The following NPAS3 variants were observed in gnomAD, a reference collection of about 807,000 sequenced individuals.
NPAS3 encodes the protein neuronal PAS domain protein 3.
In NPAS3, 14 loss-of-function variants were observed where a neutral mutation model predicts 73.1. The ratio of observed to expected loss-of-function variants is 0.19; its 90% CI spans 0.13 to 0.30. The LOEUF (loss-of-function observed/expected upper bound fraction) is 0.30. Ranked by LOEUF, NPAS3 falls within the 10% of genes least tolerant of loss-of-function variation. The pLI, the probability that NPAS3 is intolerant of heterozygous loss-of-function variation, is 1.00. For synonymous variants in NPAS3, 620 were observed against 541.5 expected, an observed-to-expected ratio of 1.14 and a Z score of -2.01; for missense variants, 1,096 against 1,250.0, an observed-to-expected ratio of 0.88 and a Z score of 1.86.
At chr14:33,174,887 G>A (rs2045527943) in intron 2 of NPAS3, among the ~76,000 whole-genome samples, 1 of 152,114 alleles carries the variant, frequency 6.6e-6, no homozygotes, top group South Asian at 2.1e-4. Flanking sequence ...TCCATGGAGA[G>A]AATATGCAAG....
rs1555411752 is a variant in NPAS3 at position 33,555,889 on chromosome 14, G to GGGGT, written c.469-4231_469-4230insGGTG. Among the ~76,000 whole-genome samples the GGGGT allele has an allele frequency of 8.1e-5, 12 of 148,578 alleles. No homozygotes were observed. The South Asian group carries it at 1.5e-3, about 18-fold the overall frequency. On this transcript the variant is annotated intron_variant, in intron 4 of 11. Coordinates refer to ENST00000356141, the Ensembl canonical transcript of NPAS3. ...TATGGTAAATTAACCAATTGTTGTT[G>GGGGT]GTGTGTCTGTGTGTGTGTGTGTGTG...
chr14:33,556,992 G>GA (rs2055384872), intron 4 of NPAS3, among the ~76,000 whole-genome samples: 1 of 152,294 alleles, frequency 6.6e-6, no homozygotes, highest in Admixed American at 6.5e-5. Context: ...AGGTCGAATG[G>GA]AAAATCTAAT....
chr14:33,171,620 T>A (rs1003425825), intron 2 of NPAS3, among the ~76,000 whole-genome samples: 2 of 152,242 alleles, frequency 1.3e-5, no homozygotes, highest in African/African-American at 2.4e-5. Context: ...CTTACGGGAA[T>A]GTTGTGGCTG....
intron 2 of NPAS3, among the ~76,000 whole-genome samples, chr14:33,151,723 A>G (rs1303323450): frequency 6.6e-6 from 1 of 152,232 alleles, no homozygotes; most frequent in Non-Finnish European, 1.5e-5. Flanking sequence ...TTAGTAGATC[A>G]CATTCCTACA....
intron 6 of NPAS3, among the ~76,000 whole-genome samples, chr14:33,685,098 C>T (rs1309070063): frequency 6.6e-6 from 1 of 151,750 alleles, no homozygotes; most frequent in Non-Finnish European, 1.5e-5. Context: ...GTAGATTATT[C>T]AACAACCATT....
chr14:33,160,077 A>C (rs1179496886), intron 2 of NPAS3, among the ~76,000 whole-genome samples: 2 of 152,204 alleles, frequency 1.3e-5, no homozygotes, highest in African/African-American at 4.8e-5. Flanking sequence ...ACATTATGAC[A>C]AATTTAAGGA....
intron 2 of NPAS3, among the ~76,000 whole-genome samples, chr14:33,065,449 T>A (rs1392638474): frequency 6.6e-6 from 1 of 152,190 alleles, no homozygotes; most frequent in Non-Finnish European, 1.5e-5. Flanking sequence ...TTGAGATGTT[T>A]AGGTCCAGTT....
At chr14:33,323,717 G>T (rs2043563234) in intron 3 of NPAS3, among the ~76,000 whole-genome samples, 1 of 152,208 alleles carries the variant, frequency 6.6e-6, no homozygotes, top group Non-Finnish European at 1.5e-5. Context: ...AGGGAGAAAA[G>T]TTTACCATTC....
At chr14:33,307,613 T>TGTA (rs763634896) in intron 3 of NPAS3, among the ~76,000 whole-genome samples, 58 of 44,212 alleles carry the variant, frequency 1.3e-3, no homozygotes, top group African/African-American at 3.0e-3. Context: ...GTGTGTGTGT[T>TGTA]CGTGTGCGTG....
intron 1 of NPAS3, among the ~76,000 whole-genome samples, chr14:33,031,839 A>G (rs2040006913): frequency 6.6e-6 from 1 of 152,238 alleles, no homozygotes; most frequent in Non-Finnish European, 1.5e-5. Flanking sequence ...TGCATGCTCC[A>G]GATTGTTCTA....
chr14:33,439,498 G>A (rs1279715314), intron 4 of NPAS3, among the ~76,000 whole-genome samples: 2 of 152,154 alleles, frequency 1.3e-5, no homozygotes, highest in African/African-American at 4.8e-5. Context: ...TCAGAGCCGA[G>A]TTTCTATTTG....
intron 4 of NPAS3, among the ~76,000 whole-genome samples, chr14:33,415,732 C>T (rs149430327): frequency 9.9e-4 from 151 of 152,228 alleles, no homozygotes; most frequent in Middle Eastern, 6.8e-3. Flanking sequence ...ATTTCTCAGT[C>T]TGCCAGTTCT....
chr14:33,553,662 G>A (rs2055224787), intron 4 of NPAS3, among the ~76,000 whole-genome samples: 1 of 152,218 alleles, frequency 6.6e-6, no homozygotes, highest in Non-Finnish European at 1.5e-5. Flanking sequence ...AGCTCTTAGA[G>A]ATTCTTAAGG....
chr14:33,669,573 A>G (rs567461672), intron 5 of NPAS3, among the ~76,000 whole-genome samples: 1 of 152,228 alleles, frequency 6.6e-6, no homozygotes, highest in African/African-American at 2.4e-5. Flanking sequence ...ATTACAAGAA[A>G]AAATGAAATG....
chr14:33,640,494 A>C lies in NPAS3; in HGVS notation c.559-35717A>C, dbSNP rs1198009226. ...GTTTAAAATGCACATCTTTTTCAATAATTAAAATTCACAATTCTTAGTTTC... is the reference window on the plus strand; with the variant it reads ...GTTTAAAATGCACATCTTTTTCAATCATTAAAATTCACAATTCTTAGTTTC... On this transcript the variant is annotated intron_variant, in intron 5 of 11. Coordinates refer to ENST00000356141, the Ensembl canonical transcript of NPAS3. Among the ~76,000 whole-genome samples, 4 of 152,226 alleles carry C rather than the reference A, an allele frequency of 2.6e-5. No individual in the cohort carries two copies. The East Asian group carries it at 7.7e-4, about 29-fold the overall frequency.
chr14:33,666,477 T>G (rs2059453435), intron 5 of NPAS3, among the ~76,000 whole-genome samples: 1 of 152,182 alleles, frequency 6.6e-6, no homozygotes, highest in Non-Finnish European at 1.5e-5. Context: ...ACCCAGGAGC[T>G]TCCCAAAAAT....
At chr14:33,453,102 G>C (rs1052133538) in intron 4 of NPAS3, among the ~76,000 whole-genome samples, 12 of 152,126 alleles carry the variant, frequency 7.9e-5, no homozygotes, top group Non-Finnish European at 1.6e-4. Flanking sequence ...AGCCAGGCAG[G>C]CTCCAAGCTC....
intron 4 of NPAS3, among the ~76,000 whole-genome samples, chr14:33,374,318 A>T (rs2046224993): frequency 6.6e-6 from 1 of 152,166 alleles, no homozygotes. Context: ...GAAGAAAGTC[A>T]GGTCAAGATT....
chr14:33,007,570 T>A (rs1427288008), intron 1 of NPAS3, among the ~76,000 whole-genome samples: 1 of 152,208 alleles, frequency 6.6e-6, no homozygotes, highest in Non-Finnish European at 1.5e-5. Context: ...GAGATATTGT[T>A]TTGTTCTGCA....
Sources: gnomAD v4.1 joint callset for allele counts (sites outside exome capture counted in the v4.1 genomes callset) on GRCh38, gnomAD v4.1.1 for gene constraint, MANE v1.5 for transcripts, NCBI Gene and HGNC (gene_info 2026-07-23, HGNC 2026-07-21) for gene names.